FGF12: variants seen among roughly 807,000 people sequenced by gnomAD.
FGF12 encodes the protein fibroblast growth factor 12.
FGF12 carries 14 observed loss-of-function variants against 23.6 expected under a neutral mutation model. The observed-to-expected ratio is 0.59, with a 90% CI of 0.39 to 0.93. The LOEUF is 0.93. Ranked by LOEUF, FGF12 falls within the 40% of genes least tolerant of loss-of-function variation. FGF12 has a pLI of 0.00. For missense variants in FGF12, 175 were observed against 217.8 expected, an observed-to-expected ratio of 0.80 and a Z score of 1.24; for synonymous variants, 62 against 77.3, an observed-to-expected ratio of 0.80 and a Z score of 1.04.
chr3:192,453,709 G>C (rs1402814658), intron 2 of FGF12, among the ~76,000 whole-genome samples: 1 of 152,118 alleles, frequency 6.6e-6, no homozygotes, highest in Non-Finnish European at 1.5e-5. Context: ...TGGGGGATGA[G>C]GGGATGTCTC....
At chr3:192,389,158 C>T (rs1436514049) in intron 2 of FGF12, among the ~76,000 whole-genome samples, 1 of 152,062 alleles carries the variant, frequency 6.6e-6, no homozygotes, top group Non-Finnish European at 1.5e-5. Flanking sequence ...TCAGGAGTTC[C>T]AGACCAGCCT....
intron 2 of FGF12, among the ~76,000 whole-genome samples, chr3:192,416,909 G>T (rs1721375296): frequency 1.3e-5 from 2 of 152,048 alleles, no homozygotes; most frequent in Admixed American, 1.3e-4. Context: ...ATCCAGAAAA[G>T]CAGGTATAAG....
At chr3:192,715,910 G>A (rs1342515329) in intron 2 of FGF12, among the ~76,000 whole-genome samples, 1 of 152,184 alleles carries the variant, frequency 6.6e-6, no homozygotes, top group Non-Finnish European at 1.5e-5. Flanking sequence ...GTGTGGTTGT[G>A]GATAATGCTG....
At chr3:192,427,380 G>GA (rs11359837) in intron 2 of FGF12, among the ~76,000 whole-genome samples, 99 of 141,606 alleles carry the variant, frequency 7.0e-4, no homozygotes, top group Middle Eastern at 3.6e-3. Context: ...CTCCGTCTCT[G>GA]AAAAAAAAAA....
In FGF12 at chr3:192,167,755, ATATATATATATATAAAATTTTTT is replaced by A. The variant is rs1180769068; in HGVS notation, c.427+2680_427+2702del. Among the ~76,000 whole-genome samples the A allele has an allele frequency of 3.5e-4, 10 of 28,774 alleles. 1 individual carries two copies. Among genetic ancestry groups the A allele is most frequent in the South Asian group, 1.7e-3 (1 of 602 alleles). 18.9% of individuals were successfully genotyped at this position (28,774 alleles called of 152,430 possible). On this transcript the variant is annotated intron_variant, in intron 5 of 5. Transcript: ENST00000445105. ...GGTATATATATATATATATATATAT[ATATATATATATATAAAATTTTTT>A]TTTTTTTTTTTTTTTGAGAAAGAAT...
intron 4 of FGF12, among the ~76,000 whole-genome samples, chr3:192,196,495 G>A (rs572913021): frequency 5.3e-5 from 8 of 151,950 alleles, no homozygotes; most frequent in African/African-American, 1.4e-4. Context: ...CCAATACTTA[G>A]AGCTTATTAG....
chr3:192,152,601 A>C (rs1364382883), intron 5 of FGF12, among the ~76,000 whole-genome samples: 3 of 122,130 alleles, frequency 2.5e-5, no homozygotes, highest in Non-Finnish European at 5.1e-5. Flanking sequence ...CAGGTTGTTC[A>C]GTTTCCATGT....
intron 2 of FGF12, among the ~76,000 whole-genome samples, chr3:192,704,981 A>G (rs1718422358): frequency 6.6e-6 from 1 of 152,192 alleles, no homozygotes; most frequent in Non-Finnish European, 1.5e-5. Flanking sequence ...TTGAAGAGAG[A>G]GCCTTGCTCT....
At chr3:192,235,439 C>T (rs1719239444) in intron 4 of FGF12, among the ~76,000 whole-genome samples, 1 of 152,176 alleles carries the variant, frequency 6.6e-6, no homozygotes, top group Admixed American at 6.5e-5. Flanking sequence ...TCCTGAGTAG[C>T]TCTTTCCATT....
chr3:192,425,066 A>T (rs1465077479), intron 2 of FGF12, among the ~76,000 whole-genome samples: 1 of 152,216 alleles, frequency 6.6e-6, no homozygotes, highest in African/African-American at 2.4e-5. Context: ...GAGGAAGAAA[A>T]GCGGTCTCCT....
chr3:192,281,730 C>CT (rs1469633937), intron 4 of FGF12, among the ~76,000 whole-genome samples: 1 of 152,118 alleles, frequency 6.6e-6, no homozygotes, highest in African/African-American at 2.4e-5. Context: ...GGGTAATCCT[C>CT]TGAGTACAGT....
intron 4 of FGF12, among the ~76,000 whole-genome samples, chr3:192,221,236 T>C (rs187610407): frequency 2.0e-5 from 3 of 152,296 alleles, no homozygotes; most frequent in African/African-American, 2.4e-5. Flanking sequence ...TCATACATGA[T>C]TGGTATTTCT....
At chr3:192,634,108 T>A (rs1715493828) in intron 2 of FGF12, among the ~76,000 whole-genome samples, 1 of 151,786 alleles carries the variant, frequency 6.6e-6, no homozygotes, top group Non-Finnish European at 1.5e-5. Flanking sequence ...GTAATTTTCA[T>A]CATACTTTAT....
At chr3:192,512,260 T>C (rs1042870981) in intron 2 of FGF12, among the ~76,000 whole-genome samples, 5 of 152,154 alleles carry the variant, frequency 3.3e-5, no homozygotes, top group Non-Finnish European at 5.9e-5. Context: ...AAAAAAATGT[T>C]TGATATCATT....
At chr3:192,554,991 A>C (rs1711702401) in intron 2 of FGF12, among the ~76,000 whole-genome samples, 1 of 152,162 alleles carries the variant, frequency 6.6e-6, no homozygotes. Context: ...GTAGGAGAAA[A>C]GAATAAAAGA....
At chr3:192,560,097 A>G (rs1273005544) in intron 2 of FGF12, among the ~76,000 whole-genome samples, 2 of 152,138 alleles carry the variant, frequency 1.3e-5, no homozygotes, top group African/African-American at 4.8e-5. Flanking sequence ...AAAATCTTCA[A>G]TATTTTGAAA....
intron 4 of FGF12, among the ~76,000 whole-genome samples, chr3:192,237,214 C>T (rs895953334): frequency 9.9e-5 from 15 of 152,118 alleles, no homozygotes; most frequent in African/African-American, 3.6e-4. Context: ...TATAGCCTGG[C>T]GGAGTTCCCT....
intron 2 of FGF12, among the ~76,000 whole-genome samples, chr3:192,429,774 A>C (rs1409226239): frequency 2.8e-5 from 4 of 140,918 alleles, no homozygotes; most frequent in Non-Finnish European, 4.7e-5. Flanking sequence ...TTGAGAAGAT[A>C]TCTCTTAACG....
chr3:192,444,236 T>C (rs1371444857), intron 2 of FGF12, among the ~76,000 whole-genome samples: 3 of 152,158 alleles, frequency 2.0e-5, no homozygotes, highest in African/African-American at 7.2e-5. Context: ...CGGTCTGACC[T>C]TGACAGCTGA....
Sources: allele counts gnomAD v4.1 joint callset (sites outside exome capture counted in the v4.1 genomes callset), GRCh38; gene constraint gnomAD v4.1.1; transcripts MANE v1.5; gene names NCBI Gene and HGNC (gene_info 2026-07-23, HGNC 2026-07-21).